NAV3: variants seen among roughly 807,000 people sequenced by gnomAD.
NAV3 encodes the protein pore membrane and/or filament interacting like protein 1.
NAV3 carries 87 observed loss-of-function variants against 244.7 expected under a neutral mutation model. The ratio of observed to expected loss-of-function variants is 0.36; its 90% CI spans 0.30 to 0.42. The LOEUF (loss-of-function observed/expected upper bound fraction) is 0.42, where lower values mean the gene tolerates loss of function less well. NAV3 is among the 20% of genes least tolerant of loss of function. NAV3 has a pLI of 1.00. For synonymous variants in NAV3, 1,126 were observed against 1,042.2 expected, an observed-to-expected ratio of 1.08 and a Z score of -1.55; for missense variants, 2,663 against 2,893.3, an observed-to-expected ratio of 0.92 and a Z score of 1.83.
chr12:77,976,735 G>A lies in NAV3; in HGVS notation c.671+8033G>A, dbSNP rs533668818. ...TGTCACCAGGCTGGAGTGCAGAGGCGTGATCTCAGCTTGGCTCACTGCAAC... is the reference window on the plus strand; with the variant it reads ...TGTCACCAGGCTGGAGTGCAGAGGCATGATCTCAGCTTGGCTCACTGCAAC... On this transcript the variant is annotated intron_variant, in intron 5 of 39. Coordinates refer to ENST00000397909, the MANE Select transcript of NAV3 (RefSeq NM_001024383.2). 3.0e-3 allele frequency among the ~76,000 whole-genome samples: 384 copies of A among 129,348 alleles called. 2 individuals are homozygous for A. Among genetic ancestry groups the A allele is most frequent in the African/African-American group, 9.7e-3 (330 of 34,058 alleles). 84.9% of individuals were successfully genotyped at this position (129,348 alleles called of 152,430 possible).
At chr12:77,681,097 G>A (rs999344482) in intron 2 of NAV3, among the ~76,000 whole-genome samples, 3 of 152,052 alleles carry the variant, frequency 2.0e-5, no homozygotes, top group Admixed American at 6.6e-5. Context: ...TTTAGGGTTA[G>A]CAGCTTGAAG....
At chr12:77,943,378 G>A (rs530421728) in intron 3 of NAV3, among the ~76,000 whole-genome samples, 77 of 152,178 alleles carry the variant, frequency 5.1e-4, no homozygotes, top group African/African-American at 1.7e-3. Context: ...GAATCATATC[G>A]AATATTGACT....
chr12:77,960,968 A>T (rs1891868335), intron 3 of NAV3, among the ~76,000 whole-genome samples: 1 of 146,528 alleles, frequency 6.8e-6, no homozygotes. Context: ...CATGTAATAT[A>T]TGTATATATG....
At chr12:78,116,967 T>TA in intron 13 of NAV3, 63 bp downstream of exon 13, 1 of 1,583,886 alleles carries the variant, frequency 6.3e-7, no homozygotes, top group Non-Finnish European at 8.6e-7. Flanking sequence ...AATTACTTAA[T>TA]ATTAGATTAA....
intron 2 of NAV3, among the ~76,000 whole-genome samples, chr12:77,726,208 A>C (rs1876870368): frequency 6.6e-6 from 1 of 151,854 alleles, no homozygotes; most frequent in Non-Finnish European, 1.5e-5. Context: ...CTATGTGTGT[A>C]ATTTGTTTAG....
chr12:77,894,534 G>T (rs1884342757), intron 1 of NAV3, among the ~76,000 whole-genome samples: 1 of 150,870 alleles, frequency 6.6e-6, no homozygotes, highest in Non-Finnish European at 1.5e-5. Flanking sequence ...TTAATAGAAA[G>T]AACCAAATTA....
intron 12 of NAV3, among the ~76,000 whole-genome samples, chr12:78,069,806 G>T (rs1952663304): frequency 6.6e-6 from 1 of 151,710 alleles, no homozygotes; most frequent in Non-Finnish European, 1.5e-5. Context: ...GTTAGTGTGG[G>T]TATATGTGTA....
chr12:78,031,652 G>A (rs921134196), intron 9 of NAV3, among the ~76,000 whole-genome samples: 11 of 146,692 alleles, frequency 7.5e-5, no homozygotes, highest in Admixed American at 1.4e-4. Context: ...ACCAAGCACC[G>A]CATATTCTCA....
intron 18 of NAV3, among the ~76,000 whole-genome samples, chr12:78,136,352 A>G (rs1281330217): frequency 1.3e-5 from 2 of 152,226 alleles, no homozygotes; most frequent in African/African-American, 4.8e-5. Flanking sequence ...TTTCACAACT[A>G]TATTGTTTTC....
chr12:78,195,131 A>G (rs1959146248), intron 34 of NAV3, among the ~76,000 whole-genome samples: 2 of 151,950 alleles, frequency 1.3e-5, no homozygotes, highest in Admixed American at 6.6e-5. Context: ...GCTTTCCTCT[A>G]CTGAAAACAA....
At chr12:78,198,443 G>T (rs1160955707) in intron 35 of NAV3, among the ~76,000 whole-genome samples, 162 bp from the exon 36 acceptor site, 3 of 151,838 alleles carry the variant, frequency 2.0e-5, no homozygotes, top group Admixed American at 2.0e-4. Context: ...TCAATTTCTA[G>T]TCCAGTGATC....
At chr12:77,582,983 A>G (rs1027006149) in intron 2 of NAV3, among the ~76,000 whole-genome samples, 4 of 152,230 alleles carry the variant, frequency 2.6e-5, no homozygotes, top group African/African-American at 7.2e-5. Flanking sequence ...AGTGTTCTAT[A>G]TAAATGGCTC....
Position 77,917,951 on chromosome 12 carries a change from A to G in NAV3, c.244-22368A>G, listed in dbSNP as rs58791999. Among the ~76,000 whole-genome samples, 704 of 152,188 alleles carry G rather than the reference A, an allele frequency of 4.6e-3. 4 individuals carry two copies. The highest frequency in any genetic ancestry group is 0.016 in the African/African-American group (667 of 41,552). On this transcript the variant is annotated intron_variant, in intron 1 of 39. Coordinates refer to ENST00000397909, the MANE Select transcript of NAV3 (RefSeq NM_001024383.2). The stretch of plus-strand genomic sequence containing the variant: ...CTTATAATTGATAACTTCTCTTCTT[A>G]AAGGTAGAAAAATGGAATGGCATTT...
At chr12:78,188,156 C>T in intron 31 of NAV3, 92 bp from the exon 32 acceptor site, 2 of 941,604 alleles carry the variant, frequency 2.1e-6, no homozygotes, top group East Asian at 2.5e-5. Flanking sequence ...TTAGTCTTAA[C>T]AACAACTACA....
At chr12:78,126,514 C>A (rs1955911467) in intron 16 of NAV3, among the ~76,000 whole-genome samples, 1 of 151,946 alleles carries the variant, frequency 6.6e-6, no homozygotes, top group Non-Finnish European at 1.5e-5. Context: ...TTCTTGTTAC[C>A]AATTGTGAAT....
At chr12:77,811,201 T>C (rs983679247) in intron 2 of NAV3, among the ~76,000 whole-genome samples, 1 of 152,208 alleles carries the variant, frequency 6.6e-6, no homozygotes, top group African/African-American at 2.4e-5. Flanking sequence ...TCTACTCCTA[T>C]TGTATGTGAA....
intron 12 of NAV3, among the ~76,000 whole-genome samples, chr12:78,099,600 C>T (rs1954437529): frequency 6.6e-6 from 1 of 151,796 alleles, no homozygotes; most frequent in Admixed American, 6.6e-5. Flanking sequence ...TCATGTGTGT[C>T]ATATGTTATA....
intron 5 of NAV3, among the ~76,000 whole-genome samples, chr12:77,988,061 T>C (rs141897604): frequency 7.2e-5 from 11 of 152,324 alleles, no homozygotes; most frequent in African/African-American, 2.4e-4. Context: ...TGGAATATGC[T>C]GTTTGACTTT....
chr12:78,101,668 A>G (rs1312485595), intron 12 of NAV3, among the ~76,000 whole-genome samples: 1 of 152,084 alleles, frequency 6.6e-6, no homozygotes, highest in African/African-American at 2.4e-5. Flanking sequence ...GCTTTCTATC[A>G]ATGACCCTGA....
Sources: allele counts gnomAD v4.1 joint callset (sites outside exome capture counted in the v4.1 genomes callset), GRCh38; gene constraint gnomAD v4.1.1; transcripts MANE v1.5; gene names NCBI Gene and HGNC (gene_info 2026-07-23, HGNC 2026-07-21).